Variants in RGS5 observed in about 807,000 individuals in gnomAD.
RGS5 encodes regulator of G-protein signalling 5.
In RGS5, 20 loss-of-function variants were observed where a neutral mutation model predicts 18.9. The ratio of observed to expected loss-of-function variants is 1.06; its 90% CI spans 0.74 to 1.54. The LOEUF (loss-of-function observed/expected upper bound fraction) is 1.54. RGS5 is among the 40% of genes most tolerant of loss of function. The pLI, the probability that RGS5 is intolerant of heterozygous loss-of-function variation, is 0.00. For synonymous variants in RGS5, 57 were observed against 76.2 expected (o/e 0.75, Z 1.31); for missense variants, 201 against 211.8 (o/e 0.95, Z 0.32).
intron 2 of RGS5, among the ~76,000 whole-genome samples, chr1:163,233,219 C>T (rs1647529826): frequency 6.6e-6 from 1 of 152,188 alleles, no homozygotes; most frequent in Non-Finnish European, 1.5e-5. Flanking sequence ...TCAGGAGGTA[C>T]ATGATTAATG....
At chr1:163,297,407 A>G (rs879725614) in intron 2 of RGS5, among the ~76,000 whole-genome samples, 1 of 152,180 alleles carries the variant, frequency 6.6e-6, no homozygotes, top group Non-Finnish European at 1.5e-5. Context: ...TTTCTGGACC[A>G]TGAAGAAAGG....
chr1:163,249,512 C>T (rs553465052), intron 2 of RGS5, among the ~76,000 whole-genome samples: 2 of 152,332 alleles, frequency 1.3e-5, no homozygotes, highest in South Asian at 2.1e-4. Context: ...TGAGGAAGGT[C>T]GGGCGCTGTG....
intron 1 of RGS5, among the ~76,000 whole-genome samples, chr1:163,182,061 C>T (rs904536017): frequency 7.9e-5 from 12 of 151,864 alleles, no homozygotes; most frequent in African/African-American, 2.9e-4. Context: ...ATAAATGTTA[C>T]CTATTATTAT....
intron 1 of RGS5, 75 bp from the exon 2 acceptor site, chr1:163,168,443 G>T: frequency 9.1e-7 from 1 of 1,093,044 alleles, no homozygotes. Flanking sequence ...TTCTTCCTGT[G>T]TCAGAGAAAC....
upstream of RGS5, among the ~76,000 whole-genome samples, chr1:163,204,392 G>A (rs767118088): frequency 1.3e-5 from 2 of 151,966 alleles, no homozygotes; most frequent in East Asian, 3.9e-4. Context: ...ACCCAGACCA[G>A]AGACTGGAGT....
intron 1 of RGS5, among the ~76,000 whole-genome samples, chr1:163,309,139 G>A (rs1649785877): frequency 6.6e-6 from 1 of 152,108 alleles, no homozygotes; most frequent in African/African-American, 2.4e-5. Flanking sequence ...CACTTGAGCT[G>A]GGGAGATAGA....
chr1:163,175,097 G>A (rs920372727), intron 1 of RGS5, among the ~76,000 whole-genome samples: 28 of 152,082 alleles, frequency 1.8e-4, no homozygotes, highest in African/African-American at 4.1e-4. Context: ...TCTTTCCACG[G>A]ACTAAAAAGA....
intron 2 of RGS5, among the ~76,000 whole-genome samples, chr1:163,260,873 C>T (rs1234697673): frequency 6.6e-6 from 1 of 152,100 alleles, no homozygotes; most frequent in African/African-American, 2.4e-5. Context: ...ACTAAGTAGT[C>T]CTGGAAACTT....
chr1:163,176,029 A>G (rs1658543122), intron 1 of RGS5, among the ~76,000 whole-genome samples: 1 of 152,254 alleles, frequency 6.6e-6, no homozygotes, highest in African/African-American at 2.4e-5. Flanking sequence ...CCTTCAAACT[A>G]TAAGATGGCT....
upstream of RGS5, among the ~76,000 whole-genome samples, chr1:163,204,070 G>C (rs933606288): frequency 6.6e-6 from 1 of 152,008 alleles, no homozygotes; most frequent in African/African-American, 2.4e-5. Flanking sequence ...ACCCTTTTTA[G>C]GCAATGGTTG....
chr1:163,316,276 A>G (rs1321366245), intron 1 of RGS5, among the ~76,000 whole-genome samples: 1 of 152,202 alleles, frequency 6.6e-6, no homozygotes, highest in Non-Finnish European at 1.5e-5. Context: ...TCTCATATGA[A>G]ACATTAGGCA....
chr1:163,298,668 T>C (rs898371653), intron 2 of RGS5, among the ~76,000 whole-genome samples: 3 of 152,156 alleles, frequency 2.0e-5, no homozygotes, highest in African/African-American at 7.2e-5. Flanking sequence ...TTCTGGAGTG[T>C]GGTGTCTCCT....
Position 163,152,732 on chromosome 1 carries a change from C to T in RGS5, c.218-16G>A, listed in dbSNP as rs547302097. 4.5e-6 allele frequency: 7 copies of T among 1,564,368 alleles called. No homozygotes were observed. The East Asian group carries it at 6.8e-5, about 15-fold the overall frequency. ...GCAAGTCCATCTGGAAAGAAAAAAA[C>T]AGTCAGCTGGAGAAATTTATTAATT... On this transcript the variant is annotated splice_polypyrimidine_tract_variant and intron_variant, in intron 3 of 4. Coordinates refer to ENST00000313961, the MANE Select transcript of RGS5 (RefSeq NM_003617.4).
intron 2 of RGS5, among the ~76,000 whole-genome samples, chr1:163,269,841 A>C (rs1648671787): frequency 6.6e-6 from 1 of 152,174 alleles, no homozygotes; most frequent in South Asian, 2.1e-4. Flanking sequence ...TCTTTTCTAG[A>C]ATGATCTCTT....
chr1:163,231,637 T>A (rs1212613620), intron 2 of RGS5, among the ~76,000 whole-genome samples: 1 of 152,024 alleles, frequency 6.6e-6, no homozygotes, highest in Non-Finnish European at 1.5e-5. Flanking sequence ...GAGAATAAAC[T>A]GAACTTATTT....
At chr1:163,204,801 C>A (rs1659903503), upstream of RGS5, among the ~76,000 whole-genome samples, 1 of 152,086 alleles carries the variant, frequency 6.6e-6, no homozygotes, top group African/African-American at 2.4e-5. Context: ...AGAAGAGACT[C>A]CTTGGGACAA....
At chr1:163,180,808 C>T (rs1304917331) in intron 1 of RGS5, among the ~76,000 whole-genome samples, 5 of 149,816 alleles carry the variant, frequency 3.3e-5, no homozygotes, top group Non-Finnish European at 7.4e-5. Flanking sequence ...CATTCTCCTG[C>T]CTCAGCCTCC....
At chr1:163,321,288 T>C (rs1373531058) in intron 1 of RGS5, 1 of 152,218 alleles carries the variant, frequency 6.6e-6, no homozygotes, top group Non-Finnish European at 1.5e-5. Context: ...AACAAATCAC[T>C]TCTCTCTGAG....
intron 1 of RGS5, among the ~76,000 whole-genome samples, chr1:163,320,485 C>T (rs995177319): frequency 3.9e-5 from 6 of 152,136 alleles, no homozygotes; most frequent in Non-Finnish European, 7.4e-5. Context: ...GGATTTCAAT[C>T]CAACTCCCTT....
Sources: gnomAD v4.1 joint callset for allele counts (sites outside exome capture counted in the v4.1 genomes callset) on GRCh38, gnomAD v4.1.1 for gene constraint, MANE v1.5 for transcripts, NCBI Gene and HGNC (gene_info 2026-07-23, HGNC 2026-07-21) for gene names.